The following NAALADL2 variants were observed in gnomAD, a reference collection of about 807,000 sequenced individuals.
The protein encoded by NAALADL2 is inactive N-acetylated-alpha-linked acidic dipeptidase-like protein 2.
NAALADL2 carries 76 observed loss-of-function variants against 87.2 expected under a neutral mutation model. The ratio of observed to expected loss-of-function variants is 0.87; its 90% confidence interval spans 0.72 to 1.05. NAALADL2 has a LOEUF of 1.05. NAALADL2 is among the 50% of genes least tolerant of loss of function. NAALADL2 has a pLI of 0.00. For missense variants in NAALADL2, 1,089 were observed against 945.8 expected (o/e 1.15, Z -1.99); for synonymous variants, 354 against 331.0 (o/e 1.07, Z -0.75).
intron 1 of NAALADL2, among the ~76,000 whole-genome samples, chr3:175,074,404 G>C (rs1369950528): frequency 2.0e-5 from 3 of 151,998 alleles, no homozygotes; most frequent in African/African-American, 7.2e-5. Flanking sequence ...GTAAATATAA[G>C]ACGTTAAAGT....
At chr3:174,493,713 G>GA (rs1411295803) in intron 1 of NAALADL2, among the ~76,000 whole-genome samples, 7 of 152,148 alleles carry the variant, frequency 4.6e-5, no homozygotes, top group African/African-American at 9.6e-5. Flanking sequence ...ACAGAAGAGG[G>GA]AACCTAGCTC....
intron 2 of NAALADL2, among the ~76,000 whole-genome samples, chr3:175,127,242 C>G (rs921372534): frequency 3.9e-5 from 6 of 152,110 alleles, no homozygotes; most frequent in African/African-American, 1.4e-4. Flanking sequence ...CCGCTACCCC[C>G]CAAAGTGAAG....
chr3:175,316,347 C>G (rs1759134762), intron 4 of NAALADL2, among the ~76,000 whole-genome samples: 1 of 152,150 alleles, frequency 6.6e-6, no homozygotes, highest in African/African-American at 2.4e-5. Context: ...CTCTGACTGT[C>G]TGCTCCTTTT....
chr3:175,709,655 C>T (rs748731341), intron 11 of NAALADL2, among the ~76,000 whole-genome samples: 44 of 152,116 alleles, frequency 2.9e-4, no homozygotes, highest in Admixed American at 5.9e-4. Flanking sequence ...GAAACTATGG[C>T]AGTTGATGGA....
chr3:175,591,013 A>G (rs942677610), intron 10 of NAALADL2, among the ~76,000 whole-genome samples: 8 of 95,428 alleles, frequency 8.4e-5, no homozygotes, highest in Non-Finnish European at 2.1e-4. Flanking sequence ...TGCTGTTACT[A>G]CACTATGATT....
At chr3:175,178,035 C>A (rs1735943239) in intron 2 of NAALADL2, among the ~76,000 whole-genome samples, 1 of 152,004 alleles carries the variant, frequency 6.6e-6, no homozygotes, top group South Asian at 2.1e-4. Flanking sequence ...AGACTGCCTA[C>A]ATTCAATCAG....
intron 9 of NAALADL2, among the ~76,000 whole-genome samples, chr3:175,483,738 G>T (rs1342963694): frequency 2.0e-5 from 3 of 152,050 alleles, no homozygotes; most frequent in Admixed American, 1.3e-4. Context: ...GTGATTAAAA[G>T]TCTCAGCATT....
chr3:175,733,794 T>G lies in NAALADL2; in HGVS notation c.1897-3512T>G, dbSNP rs530923748. Among the ~76,000 whole-genome samples, 124 of 152,300 alleles carry G rather than the reference T, an allele frequency of 8.1e-4. 2 individuals are homozygous for G. Among genetic ancestry groups the G allele is most frequent in the Admixed American group, 8.1e-3 (124 of 15,298 alleles). On this transcript the variant is annotated intron_variant, in intron 11 of 13. Transcript: ENST00000454872. The stretch of plus-strand genomic sequence containing the variant: ...TCAGGTATTGGGTAAATACAGCCAT[T>G]ACAAATGGGAGAAATTGACCAAAAT...
At position 174,799,928 on chromosome 3, in the gene NAALADL2, A is replaced by G. The variant is rs186852097; in HGVS notation, c.-9+62182A>G. Among the ~76,000 whole-genome samples, 6 of 152,312 alleles carry G rather than the reference A, an allele frequency of 3.9e-5. No individual in the cohort carries two copies. The East Asian group carries it at 9.7e-4, about 25-fold the overall frequency. On this transcript the variant is annotated intron_variant, in intron 3 of 3. Transcript: ENST00000434257. The stretch of plus-strand genomic sequence containing the variant: ...TGACTCTTGTTATGTTTCAGCAAAG[A>G]GACTAGTGGCATTTTGCCCCTGCCC...
intron 9 of NAALADL2, among the ~76,000 whole-genome samples, chr3:175,509,543 T>A (rs879340657): frequency 2.0e-5 from 3 of 152,248 alleles, no homozygotes; most frequent in Non-Finnish European, 4.4e-5. Context: ...ACAGCTCTAT[T>A]GTAGTAATGG....
chr3:175,240,076 G>A (rs753317228), intron 3 of NAALADL2, among the ~76,000 whole-genome samples: 1 of 151,988 alleles, frequency 6.6e-6, no homozygotes, highest in Non-Finnish European at 1.5e-5. Context: ...TCTTTAACAA[G>A]ACAAATACGA....
rs148210888 is a variant in NAALADL2 at position 174,997,660 on chromosome 3, A to C, written c.44-99130A>C. ...GTGAAACATTGTTTCTACTAAAAAT[A>C]CAAAAATTAGCTGGGTGTGGTGGTG... On this transcript the variant is annotated intron_variant, in intron 1 of 13. Transcript: ENST00000454872. 1.2e-4 allele frequency among the ~76,000 whole-genome samples: 18 copies of C among 152,208 alleles called. No homozygotes were observed. The East Asian group carries it at 3.3e-3, about 28-fold the overall frequency.
intron 3 of NAALADL2, among the ~76,000 whole-genome samples, chr3:174,824,767 C>G (rs1218356944): frequency 6.6e-6 from 1 of 152,112 alleles, no homozygotes; most frequent in Non-Finnish European, 1.5e-5. Context: ...TATGTCTGTG[C>G]TTCGGTCACT....
chr3:174,920,275 C>T (rs928340152), intron 1 of NAALADL2, among the ~76,000 whole-genome samples: 1 of 152,208 alleles, frequency 6.6e-6, no homozygotes, highest in Non-Finnish European at 1.5e-5. Context: ...CATCTTCTTC[C>T]AACATAAGAC....
At chr3:174,470,938 G>C (rs1716858834) in intron 1 of NAALADL2, among the ~76,000 whole-genome samples, 1 of 151,974 alleles carries the variant, frequency 6.6e-6, no homozygotes, top group Non-Finnish European at 1.5e-5. Context: ...TTCAATTTGG[G>C]CTATTATAAA....
intron 2 of NAALADL2, among the ~76,000 whole-genome samples, chr3:174,560,358 T>C (rs1459320393): frequency 6.6e-6 from 1 of 152,186 alleles, no homozygotes; most frequent in African/African-American, 2.4e-5. Context: ...TTGAACAGAC[T>C]AGGACTTGAT....
intron 10 of NAALADL2, among the ~76,000 whole-genome samples, chr3:175,616,565 T>C (rs1725380462): frequency 6.6e-6 from 1 of 152,038 alleles, no homozygotes; most frequent in Non-Finnish European, 1.5e-5. Context: ...TCTGGGAGTG[T>C]ATATGTGACA....
chr3:174,960,814 TA>T (rs1259343267), intron 1 of NAALADL2, among the ~76,000 whole-genome samples: 3 of 151,824 alleles, frequency 2.0e-5, no homozygotes, highest in African/African-American at 7.2e-5. Flanking sequence ...TTTAAAAGAA[TA>T]AAATCAAATG....
Position 175,049,819 on chromosome 3 carries a change from A to C in NAALADL2, c.44-46971A>C, listed in dbSNP as rs574460988. On this transcript the variant is annotated intron_variant, in intron 1 of 13. Coordinates refer to ENST00000454872, the MANE Select transcript of NAALADL2 (RefSeq NM_207015.3). ...ATTCTGTAATAGAGGAAGACAAGAG[A>C]GAAAGTAGTTGAGAAAGGGTGTTGA... 6.6e-5 allele frequency among the ~76,000 whole-genome samples: 10 copies of C among 152,356 alleles called. No individual in the cohort carries two copies. In the South Asian group the frequency reaches 2.1e-3, roughly 32 times the overall value.
Sources: allele counts gnomAD v4.1 joint callset (sites outside exome capture counted in the v4.1 genomes callset), GRCh38; gene constraint gnomAD v4.1.1; transcripts MANE v1.5; gene names NCBI Gene and HGNC (gene_info 2026-07-23, HGNC 2026-07-21).